The following DENND2A variants were observed in gnomAD, a reference collection of about 807,000 sequenced individuals.
DENND2A encodes the protein DENN domain-containing protein 2A.
Under a neutral mutation model 105.3 loss-of-function variants are expected in DENND2A, and 53 were observed. The observed-to-expected ratio is 0.50, with a 90% CI of 0.40 to 0.63. DENND2A has a LOEUF of 0.63. Ranked by LOEUF, DENND2A falls within the 30% of genes least tolerant of loss-of-function variation. DENND2A has a pLI of 0.00. For missense variants in DENND2A, 1,138 were observed against 1,279.6 expected (o/e 0.89, Z 1.69); for synonymous variants, 522 against 508.4 (o/e 1.03, Z -0.36).
At chr7:140,521,735 G>T (rs1795866892) in intron 18 of DENND2A, 120 bp downstream of exon 18, 1 of 1,494,996 alleles carries the variant, frequency 6.7e-7, no homozygotes, top group South Asian at 1.3e-5. Flanking sequence ...AAGCTCTCTG[G>T]GGGAGATGGA....
At position 140,636,567 on chromosome 7, in the gene DENND2A, C is replaced by T. The variant is rs1475249698; in HGVS notation, c.-248+3937G>A. Among the ~76,000 whole-genome samples the T allele has an allele frequency of 3.9e-5, 6 of 152,018 alleles. No homozygotes were observed. In the East Asian group the frequency reaches 9.6e-4, roughly 24 times the overall value. On this transcript the variant is annotated intron_variant, in intron 1 of 19. Transcript: ENST00000496613. ...GTGATGGGCTCTCTATACGTGACTG[C>T]TAGAGCAGCCACTCTCAACCTCAGC...
At chr7:140,633,169 T>C (rs1209050429) in intron 1 of DENND2A, among the ~76,000 whole-genome samples, 1 of 151,972 alleles carries the variant, frequency 6.6e-6, no homozygotes, top group Non-Finnish European at 1.5e-5. Flanking sequence ...GCTGGGACTA[T>C]AGGCACCTGC....
rs766779073 is a variant in DENND2A, at chr7:140,601,650, C to T, written c.748G>A (p.Val250Met). 8.7e-6 allele frequency: 14 copies of T among 1,612,964 alleles called. No homozygotes were observed. In the East Asian group the frequency reaches 2.9e-4, roughly 33 times the overall value. The change falls in exon 3 of 20, where the codon GTG becomes ATG. Residue 250 changes from valine to methionine, a missense_variant. Transcript: ENST00000496613. ...RRPWDRSLEN[V>M]YRGSEGSPTK... ...GGGGAACCCTCCGAGCCCCTATACA[C>T]GTTCTCAAGGCTCCGGTCCCAGGGC...
At chr7:140,620,379 T>C (rs1236093456) in intron 1 of DENND2A, among the ~76,000 whole-genome samples, 1 of 151,420 alleles carries the variant, frequency 6.6e-6, no homozygotes, top group Non-Finnish European at 1.5e-5. Context: ...TTATTACTAT[T>C]CAAAACTGCA....
intron 9 of DENND2A, among the ~76,000 whole-genome samples, chr7:140,563,479 T>C (rs1178190051): frequency 6.6e-6 from 1 of 151,828 alleles, no homozygotes; most frequent in Admixed American, 6.6e-5. Context: ...AATGGAACAT[T>C]AGCATGCAAA....
chr7:140,557,785 G>A (rs1416205743), intron 11 of DENND2A, among the ~76,000 whole-genome samples: 4 of 150,758 alleles, frequency 2.7e-5, no homozygotes. Flanking sequence ...TGATCCGCCC[G>A]TCTCGGCCTC....
At chr7:140,625,355 C>T (rs1431080005) in intron 1 of DENND2A, among the ~76,000 whole-genome samples, 1 of 146,428 alleles carries the variant, frequency 6.8e-6, no homozygotes, top group Non-Finnish European at 1.5e-5. Flanking sequence ...CCAGCCTGGG[C>T]GACAGAACGA....
chr7:140,545,178 C>G (rs2130524442), intron 13 of DENND2A, among the ~76,000 whole-genome samples: 1 of 152,280 alleles, frequency 6.6e-6, no homozygotes, highest in South Asian at 2.1e-4. Flanking sequence ...ATCTCTGTCT[C>G]TTGAGGAACT....
At chr7:140,633,380 C>G (rs564089165) in intron 1 of DENND2A, among the ~76,000 whole-genome samples, 1 of 152,190 alleles carries the variant, frequency 6.6e-6, no homozygotes, top group South Asian at 2.1e-4. Flanking sequence ...GTCTCAAACT[C>G]CCGACCTCAA....
At chr7:140,553,911 T>C (rs961451886) in intron 12 of DENND2A, among the ~76,000 whole-genome samples, 4 of 152,310 alleles carry the variant, frequency 2.6e-5, no homozygotes, top group South Asian at 4.1e-4. Context: ...ACAGACACAG[T>C]AACAGTCTGA....
At chr7:140,583,714 G>A (rs1257104692) in intron 5 of DENND2A, among the ~76,000 whole-genome samples, 7 of 150,058 alleles carry the variant, frequency 4.7e-5, no homozygotes, top group Non-Finnish European at 1.0e-4. Context: ...CAGATCACAA[G>A]GTCAGGAGAT....
chr7:140,541,195 T>C (rs1178462678), intron 14 of DENND2A, among the ~76,000 whole-genome samples: 5 of 152,098 alleles, frequency 3.3e-5, no homozygotes, highest in Non-Finnish European at 1.5e-5. Context: ...ACAGAGTCTC[T>C]CTCTGTCACC....
intron 5 of DENND2A, 73 bp downstream of exon 5, chr7:140,585,516 C>T (rs1798739575): frequency 1.3e-6 from 2 of 1,594,698 alleles, no homozygotes; most frequent in African/African-American, 1.3e-5. Flanking sequence ...CCAGTGCTGG[C>T]CGGAACTCCA....
Position 140,525,765 on chromosome 7 carries a change from G to T in DENND2A, c.2533C>A (p.Arg845=). The change falls in exon 16 of 20, where the codon CGG becomes AGG. Residue 845 remains arginine (R), a synonymous_variant. Transcript: ENST00000496613. ...GCCTCACTCACCTGTCTGAGGAACC[G>T]GCTGTTGACGAGGTCAACCACAAGG... ...EVLVVDLVNS[R]FLRQMDDEDS... 3 of 1,606,180 alleles carry T rather than the reference G, an allele frequency of 1.9e-6. No homozygotes were observed. The highest frequency in any genetic ancestry group is 2.6e-6 in the Non-Finnish European group (3 of 1,176,148).
intron 1 of DENND2A, among the ~76,000 whole-genome samples, chr7:140,633,369 G>A (rs1055272676): frequency 1.2e-4 from 18 of 151,962 alleles, no homozygotes; most frequent in African/African-American, 4.3e-4. Context: ...TGGCCAGGCT[G>A]GTCTCAAACT....
rs1796306489 is a variant in DENND2A at position 140,532,500 on chromosome 7, C to T, written c.2328-5005G>A. 2.0e-5 allele frequency among the ~76,000 whole-genome samples: 3 copies of T among 152,274 alleles called. No homozygotes were observed. In the South Asian group the frequency reaches 6.2e-4, roughly 32 times the overall value. On this transcript the variant is annotated intron_variant, in intron 14 of 19. Coordinates refer to ENST00000496613, the MANE Select transcript of DENND2A (RefSeq NM_015689.5). ...TTTAAGATTCCTTCTACGCGTCAGA[C>T]TTGTGGTTCAAGCACTTTTGACTTC...
At chr7:140,618,613 T>C (rs377234411) in intron 1 of DENND2A, among the ~76,000 whole-genome samples, 3 of 152,322 alleles carry the variant, frequency 2.0e-5, no homozygotes, top group East Asian at 1.9e-4. Flanking sequence ...TCATATCTAA[T>C]ATAGACTAGA....
intron 1 of DENND2A, among the ~76,000 whole-genome samples, chr7:140,638,978 A>G (rs1460207658): frequency 6.6e-6 from 1 of 152,230 alleles, no homozygotes; most frequent in African/African-American, 2.4e-5. Context: ...ACTGATGTCT[A>G]GCACGCATGC....
intron 3 of DENND2A, among the ~76,000 whole-genome samples, chr7:140,591,979 TCCCTCCTCTCCCCTCC>T: frequency 2.8e-5 from 1 of 35,846 alleles, no homozygotes; most frequent in East Asian, 1.1e-3. Flanking sequence ...CCCTCCCCTC[TCCCTCCTCTCCCCTCC>T]CCTTCCCCTC....
Sources: gnomAD v4.1 joint callset for allele counts (sites outside exome capture counted in the v4.1 genomes callset) on GRCh38, gnomAD v4.1.1 for gene constraint, MANE v1.5 for transcripts, NCBI Gene and HGNC (gene_info 2026-07-23, HGNC 2026-07-21) for gene names.